Variants in UBXN2A observed in about 807,000 individuals in gnomAD.
The protein encoded by UBXN2A is UBX domain protein 2A, also known as UBX domain-containing protein 2A.
Under a neutral mutation model 28.4 loss-of-function variants are expected in UBXN2A, and 28 were observed. The observed-to-expected ratio is 0.99, with a 90% CI of 0.73 to 1.35. The LOEUF (loss-of-function observed/expected upper bound fraction) is 1.35. Ranked by LOEUF, UBXN2A falls within the 40% of genes most tolerant of loss-of-function variation. UBXN2A has a pLI of 0.00. For missense variants in UBXN2A, 253 were observed against 297.9 expected (o/e 0.85, Z 1.11); for synonymous variants, 97 against 103.6 (o/e 0.94, Z 0.39).
chr2:23,957,802 C>G (rs1304596884), intron 1 of UBXN2A, among the ~76,000 whole-genome samples: 1 of 152,056 alleles, frequency 6.6e-6, no homozygotes, highest in African/African-American at 2.4e-5. Context: ...CCATTGCACT[C>G]CAGCCTGGGC....
chr2:23,964,185 A>G (rs1224045019), intron 2 of UBXN2A, among the ~76,000 whole-genome samples: 2 of 151,854 alleles, frequency 1.3e-5, no homozygotes, highest in African/African-American at 4.8e-5. Context: ...AGAATATATA[A>G]TACATACCCA....
At chr2:23,961,694 C>T (rs1206494477) in intron 2 of UBXN2A, among the ~76,000 whole-genome samples, 3 of 148,418 alleles carry the variant, frequency 2.0e-5, no homozygotes, top group African/African-American at 7.5e-5. Flanking sequence ...ACTGTAGGTG[C>T]ACACCACCAC....
intron 1 of UBXN2A, among the ~76,000 whole-genome samples, chr2:23,930,935 G>C (rs1013909217): frequency 5.9e-5 from 9 of 152,168 alleles, no homozygotes; most frequent in Non-Finnish European, 1.2e-4. Flanking sequence ...GGGAGGTCAA[G>C]GTGGGTGGAT....
chr2:23,947,211 C>T (rs1706131027), intron 1 of UBXN2A, among the ~76,000 whole-genome samples: 1 of 152,096 alleles, frequency 6.6e-6, no homozygotes, highest in Non-Finnish European at 1.5e-5. Context: ...TTTAAAATAC[C>T]ACATTCTTAG....
rs144393659 is a variant in UBXN2A, at chr2:23,957,294, A to G, written c.-14-1007A>G. On this transcript the variant is annotated intron_variant, in intron 1 of 6. Coordinates refer to ENST00000309033, the MANE Select transcript of UBXN2A (RefSeq NM_181713.4). ...GTAGCTGGAACCACAGAGGTGCACC[A>G]TAATGCCTGGCTAACTTTTTTTTTC... 1.4e-3 allele frequency among the ~76,000 whole-genome samples: 212 copies of G among 151,904 alleles called. 3 individuals are homozygous for G. The highest frequency in any genetic ancestry group is 3.6e-3 in the African/African-American group (148 of 41,452).
At chr2:23,970,586 A>AGG (rs1707372877) in intron 2 of UBXN2A, among the ~76,000 whole-genome samples, 1 of 152,016 alleles carries the variant, frequency 6.6e-6, no homozygotes, top group South Asian at 2.1e-4. Context: ...GAAGGGGAGA[A>AGG]GGGGAGATGG....
At chr2:23,976,938 A>G in intron 3 of UBXN2A, 31 bp from the exon 4 acceptor site, 1 of 1,547,824 alleles carries the variant, frequency 6.5e-7, no homozygotes, top group South Asian at 1.1e-5. Context: ...TTTTATTAAC[A>G]TGACGCATTT....
intron 1 of UBXN2A, among the ~76,000 whole-genome samples, chr2:23,934,165 C>T (rs140949455): frequency 1.1e-3 from 167 of 152,000 alleles, no homozygotes; most frequent in African/African-American, 3.7e-3. Flanking sequence ...GCAGTGAGAT[C>T]GCACCACTGC....
At chr2:23,989,874 C>T (rs1708286477) in intron 6 of UBXN2A, among the ~76,000 whole-genome samples, 1 of 152,132 alleles carries the variant, frequency 6.6e-6, no homozygotes, top group Admixed American at 6.5e-5. Flanking sequence ...CACTGCATTC[C>T]AGCCTGGGCA....
chr2:23,955,462 C>T (rs1297603513), intron 1 of UBXN2A, among the ~76,000 whole-genome samples: 1 of 152,164 alleles, frequency 6.6e-6, no homozygotes, highest in Non-Finnish European at 1.5e-5. Context: ...CACTCTCTTT[C>T]AATAAGGAGT....
At chr2:23,983,199 A>G (rs1441712024) in intron 5 of UBXN2A, among the ~76,000 whole-genome samples, 166 bp downstream of exon 5, 1 of 152,054 alleles carries the variant, frequency 6.6e-6, no homozygotes, top group Non-Finnish European at 1.5e-5. Flanking sequence ...AGTCATAGTT[A>G]CCTAAGTATA....
At chr2:23,948,254 C>CTTTTTTT (rs60805838) in intron 1 of UBXN2A, among the ~76,000 whole-genome samples, 17 of 129,166 alleles carry the variant, frequency 1.3e-4, no homozygotes, top group South Asian at 2.5e-4. Context: ...TTTTCTTTTT[C>CTTTTTTT]TTTTTTTTTT....
At chr2:23,931,267 C>T (rs1023983604) in intron 1 of UBXN2A, among the ~76,000 whole-genome samples, 4 of 151,956 alleles carry the variant, frequency 2.6e-5, no homozygotes, top group East Asian at 1.9e-4. Flanking sequence ...GCCAACATGA[C>T]GAAACCCCAT....
At chr2:23,963,571 C>T (rs1387910569) in intron 2 of UBXN2A, among the ~76,000 whole-genome samples, 1 of 151,774 alleles carries the variant, frequency 6.6e-6, no homozygotes, top group African/African-American at 2.4e-5. Context: ...TAGTAATCAT[C>T]AGGGAAATGC....
intron 6 of UBXN2A, among the ~76,000 whole-genome samples, chr2:23,986,484 T>C (rs976608834): frequency 1.3e-5 from 2 of 152,126 alleles, no homozygotes; most frequent in Admixed American, 1.3e-4. Flanking sequence ...CTTCTGTCAA[T>C]TATAGTGAAA....
At chr2:23,936,854 GT>G (rs1336410572), upstream of UBXN2A, among the ~76,000 whole-genome samples, 23 of 151,998 alleles carry the variant, frequency 1.5e-4, no homozygotes, top group African/African-American at 5.3e-4. Flanking sequence ...GGGATTACAG[GT>G]GCCTGCCACC....
upstream of UBXN2A, among the ~76,000 whole-genome samples, chr2:23,935,922 G>T (rs951290239): frequency 6.6e-6 from 1 of 152,038 alleles, no homozygotes; most frequent in African/African-American, 2.4e-5. Context: ...TGGTTGGGGG[G>T]CACCTTTAAT....
At position 24,002,886 on chromosome 2, in the gene UBXN2A, TGAAAA is replaced by T. The variant is rs1410737633; in HGVS notation, c.*3023_*3027del. On this transcript the variant is annotated 3_prime_UTR_variant, in exon 7 of 7. Coordinates refer to ENST00000309033, the MANE Select transcript of UBXN2A (RefSeq NM_181713.4). ...ACACCTCTGTATACTGGTGAAAGAATGAAAAGAAGCAAATAATGCCTTAGTATGAT... is the reference window on the plus strand; with the variant it reads ...ACACCTCTGTATACTGGTGAAAGAATGAAGCAAATAATGCCTTAGTATGAT... The T allele has an allele frequency of 6.6e-6, 1 of 152,162 alleles. No homozygotes were observed. Among genetic ancestry groups the T allele is most frequent in the African/African-American group, 2.4e-5 (1 of 41,436 alleles). The allele number at this position is 152,162 out of a possible 1,614,324, so 9.4% of individuals were successfully genotyped here.
In UBXN2A at chr2:23,974,122, C is replaced by G. The variant is rs1250758306; in HGVS notation, c.180+2708C>G. On this transcript the variant is annotated intron_variant, in intron 3 of 6. Coordinates refer to ENST00000309033, the MANE Select transcript of UBXN2A (RefSeq NM_181713.4). ...CTCCGCCTCCTGGGTTCATGCCATT[C>G]TCCTGCCTCAGCCTCCTGAGTAGTT... 6.1e-5 allele frequency among the ~76,000 whole-genome samples: 9 copies of G among 148,256 alleles called. No homozygotes were observed. In the South Asian group the frequency reaches 6.4e-4, roughly 10 times the overall value.
Sources: allele counts gnomAD v4.1 joint callset (sites outside exome capture counted in the v4.1 genomes callset), GRCh38; gene constraint gnomAD v4.1.1; transcripts MANE v1.5; gene names NCBI Gene and HGNC (gene_info 2026-07-23, HGNC 2026-07-21).